STARD9: variants seen among roughly 807,000 people sequenced by gnomAD.
STARD9 encodes StAR related lipid transfer domain containing 9.
Under a neutral mutation model 399.8 loss-of-function variants are expected in STARD9, and 346 were observed. That is an observed-to-expected ratio of 0.87 (90% confidence interval 0.79 to 0.95). The LOEUF is 0.95. Among genes scored for constraint, STARD9 ranks in the 40% least tolerant of loss-of-function variants. STARD9 has a pLI of 0.00. For synonymous variants in STARD9, 2,203 were observed against 2,143.5 expected, an observed-to-expected ratio of 1.03 and a Z score of -0.77; for missense variants, 5,832 against 5,667.5, an observed-to-expected ratio of 1.03 and a Z score of -0.93.
In STARD9 at chr15:42,638,106, C is replaced by G. The variant is rs910407494; in HGVS notation, c.446+19C>G. On this transcript the variant is annotated intron_variant, in intron 6 of 32. Coordinates refer to ENST00000290607, the MANE Select transcript of STARD9 (RefSeq NM_020759.3). ...AAGTAAGGTAAGAACCTCCCAAGCT[C>G]TGGGACCTACAGTAGTTCTTCTTCT... 3.3e-6 allele frequency: 5 copies of G among 1,533,184 alleles called. No individual in the cohort carries two copies. The highest frequency in any genetic ancestry group is 4.4e-6 in the Non-Finnish European group (5 of 1,144,252). The allele number at this position is 1,533,184 out of a possible 1,614,324, so 95.0% of individuals were successfully genotyped here.
chr15:42,653,444 G>A lies in STARD9; in HGVS notation c.702+852G>A, dbSNP rs534469018. ...ATCTAAGAAGCTCAAAGGACTCCAA[G>A]TAAAATAAACACAAAGAGATCCACA... On this transcript the variant is annotated intron_variant, in intron 9 of 32. Transcript: ENST00000290607. Among the ~76,000 whole-genome samples, 68 of 145,514 alleles carry A rather than the reference G, an allele frequency of 4.7e-4. 1 individual carries two copies. The South Asian group carries it at 0.015, about 32-fold the overall frequency.
Position 42,687,283 on chromosome 15 carries a change from C to A in STARD9, c.5705C>A (p.Thr1902Asn). The A allele has an allele frequency of 2.0e-6, 3 of 1,536,846 alleles. No individual in the cohort carries two copies. Reference sequence around the variant, plus strand: ...TGTTGCGGTGCTTCCTCAGACAGCACTGAGTCTGGGAAGTCTCTCCTCTTT... The same window carrying A: ...TGTTGCGGTGCTTCCTCAGACAGCAATGAGTCTGGGAAGTCTCTCCTCTTT... ...QSCCGASSDS[T>N]ESGKSLLFRE... The change falls in exon 23 of 33, where the codon ACT becomes AAT. Residue 1902 changes from threonine to asparagine, a missense_variant. Physicochemically the swap from Thr to Asn is moderately conservative, Grantham distance 65. Around this residue, in one of 2 missense-constraint regions of STARD9, gnomAD observed 5,828 missense variants for 5,651.1 expected, o/e 1.03. Coordinates refer to ENST00000290607, the MANE Select transcript of STARD9 (RefSeq NM_020759.3).
At chr15:42,706,844 G>C (rs907139449) in intron 26 of STARD9, among the ~76,000 whole-genome samples, 1 of 151,972 alleles carries the variant, frequency 6.6e-6, no homozygotes, top group Non-Finnish European at 1.5e-5. Flanking sequence ...ATCCAGAATG[G>C]GTATTTCAGA....
chr15:42,606,748 C>T (rs2058731452), intron 3 of STARD9, among the ~76,000 whole-genome samples: 2 of 151,958 alleles, frequency 1.3e-5, no homozygotes, highest in African/African-American at 4.8e-5. Context: ...AGGTGTAAGC[C>T]ACTGCGCCCA....
At chr15:42,710,187 A>G (rs1215708853) in intron 26 of STARD9, among the ~76,000 whole-genome samples, 1 of 149,730 alleles carries the variant, frequency 6.7e-6, no homozygotes, top group Non-Finnish European at 1.5e-5. Context: ...CAGCCTCCTG[A>G]GTACCTGGAG....
At position 42,719,559 on chromosome 15, in the gene STARD9, C is replaced by T. The variant is rs1373434708; in HGVS notation, c.14088C>T (p.Ser4696=). The T allele has an allele frequency of 6.5e-6, 10 of 1,536,068 alleles. No individual in the cohort carries two copies. The highest frequency in any genetic ancestry group is 1.4e-5 in the African/African-American group (1 of 73,160). The change falls in exon 33 of 33, where the codon TCC becomes TCT. Residue 4696 remains serine (S), a synonymous_variant. Coordinates refer to ENST00000290607, the MANE Select transcript of STARD9 (RefSeq NM_020759.3). Reference sequence around the variant, plus strand: ...CACTGGTTATAGCCAGACTGGCTTCCTTCCTTGGTAGGTAGCATCTCACCG... The same window carrying T: ...CACTGGTTATAGCCAGACTGGCTTCTTTCCTTGGTAGGTAGCATCTCACCG... ...RQPLVIARLA[S]FLGR
rs1236119310 is a variant in STARD9 at position 42,693,400 on chromosome 15, T to A, written c.11822T>A (p.Val3941Asp). The change falls in exon 23 of 33, where the codon GTT becomes GAT. Residue 3941 changes from valine (V) to aspartate (D), a missense_variant. By Grantham distance (152) the Val-to-Asp change is radical (BLOSUM62 -3). Coordinates refer to ENST00000290607, the MANE Select transcript of STARD9 (RefSeq NM_020759.3). ...AAGCTTGACTCCAGCCCAGACCCTG[T>A]TGATGCCCCAAGGACTCCAATGGAT... ...HQKLDSSPDP[V>D]DAPRTPMDNY... is the part of the protein sequence containing the mutation. 3 of 1,537,078 alleles carry A rather than the reference T, an allele frequency of 2.0e-6. No homozygotes were observed. The East Asian group carries it at 7.3e-5, about 38-fold the overall frequency.
At chr15:42,712,705 T>G (rs1269996233) in intron 26 of STARD9, among the ~76,000 whole-genome samples, 1 of 152,182 alleles carries the variant, frequency 6.6e-6, no homozygotes, top group South Asian at 2.1e-4. Flanking sequence ...TACCACACTT[T>G]TTGTGTGTGT....
intron 20 of STARD9, among the ~76,000 whole-genome samples, chr15:42,679,606 G>A (rs531172718): frequency 2.0e-5 from 3 of 152,240 alleles, no homozygotes; most frequent in South Asian, 4.1e-4. Flanking sequence ...CAAAGGCTGC[G>A]TTATGAAATC....
chr15:42,709,099 A>G (rs1278111427), intron 26 of STARD9, among the ~76,000 whole-genome samples: 1 of 152,166 alleles, frequency 6.6e-6, no homozygotes, highest in Admixed American at 6.5e-5. Context: ...ATTGTCCTTT[A>G]TGATTAATGA....
In STARD9 at chr15:42,633,666, T is replaced by C. The variant is rs187482859; in HGVS notation, c.235-1190T>C. Among the ~76,000 whole-genome samples, 274 of 150,200 alleles carry C rather than the reference T, an allele frequency of 1.8e-3. 4 individuals carry two copies. Among genetic ancestry groups the C allele is most frequent in the African/African-American group, 6.4e-3 (262 of 40,864 alleles). ...TCTTTCTTTTTTTTTTTTTTTGAGA[T>C]GGAGTCTCACTCTGTCGCCTAGGCT... On this transcript the variant is annotated intron_variant, in intron 3 of 32. Coordinates refer to ENST00000290607, the MANE Select transcript of STARD9 (RefSeq NM_020759.3).
chr15:42,711,935 G>A (rs1227158345), intron 26 of STARD9, among the ~76,000 whole-genome samples: 1 of 145,922 alleles, frequency 6.9e-6, no homozygotes, highest in Non-Finnish European at 1.5e-5. Context: ...TGAGCAGTGT[G>A]TTTCTCTCCG....
In STARD9 at chr15:42,717,040, A is replaced by G. The variant is rs1162172964; in HGVS notation, c.13486A>G (p.Met4496Val). Reference sequence around the variant, plus strand: ...GGCCAAGCATGTCGTGGACACTTCTATGGCTGATGTGAGTAACTGCTCCCA... The same window carrying G: ...GGCCAAGCATGTCGTGGACACTTCTGTGGCTGATGTGAGTAACTGCTCCCA... ...DLAKHVVDTS[M>V]ADVMAACSDN... is the part of the protein sequence containing the mutation. The change falls in exon 28 of 33, where the codon ATG becomes GTG. Residue 4496 changes from methionine (M) to valine (V), a missense_variant. By Grantham distance (21) the Met-to-Val change is conservative. Around this residue, in one of 2 missense-constraint regions of STARD9, gnomAD observed 5,828 missense variants for 5,651.1 expected, o/e 1.03. Transcript: ENST00000290607. 8 of 1,537,000 alleles carry G rather than the reference A, an allele frequency of 5.2e-6. No individual in the cohort carries two copies. Among genetic ancestry groups the G allele is most frequent in the Admixed American group, 2.0e-5 (1 of 50,960 alleles).
chr15:42,715,794 C>T (rs1366990121), intron 26 of STARD9, among the ~76,000 whole-genome samples: 1 of 152,138 alleles, frequency 6.6e-6, no homozygotes, highest in Non-Finnish European at 1.5e-5. Flanking sequence ...AGGCATGAGC[C>T]ACCGCCCGGC....
intron 3 of STARD9, among the ~76,000 whole-genome samples, chr15:42,622,994 G>A (rs1595657121): frequency 6.6e-6 from 1 of 152,202 alleles, no homozygotes; most frequent in Non-Finnish European, 1.5e-5. Context: ...GCTCACGCCT[G>A]TAATCCCAGC....
At position 42,718,169 on chromosome 15, in the gene STARD9, C is replaced by T. The variant is rs2061386870; in HGVS notation, c.13752C>T (p.Ser4584=). 3.9e-6 allele frequency: 6 copies of T among 1,536,634 alleles called. No individual in the cohort carries two copies. The highest frequency in any genetic ancestry group is 5.2e-6 in the Non-Finnish European group (6 of 1,146,826). ...GGCTGCATCAGCGAGTGACCAACAG[C>T]ATCAGCCTGGGTGAGCCCAGGGAAG... ...TARLHQRVTN[S]ISLVYLVCNT... The change falls in exon 30 of 33, where the codon AGC becomes AGT. Residue 4584 remains serine, a synonymous_variant. Coordinates refer to ENST00000290607, the MANE Select transcript of STARD9 (RefSeq NM_020759.3).
chr15:42,605,432 T>C (rs1208428454), intron 3 of STARD9, among the ~76,000 whole-genome samples: 2 of 152,130 alleles, frequency 1.3e-5, no homozygotes, highest in African/African-American at 2.4e-5. Context: ...CAAGTCTAGG[T>C]GTCAAAATTA....
At chr15:42,706,718 G>C (rs2061094700) in intron 26 of STARD9, among the ~76,000 whole-genome samples, 1 of 152,150 alleles carries the variant, frequency 6.6e-6, no homozygotes, top group Non-Finnish European at 1.5e-5. Flanking sequence ...CCAAAATGCT[G>C]AGATTACAGG....
chr15:42,616,114 G>A (rs1242197584), intron 3 of STARD9, among the ~76,000 whole-genome samples: 1 of 152,050 alleles, frequency 6.6e-6, no homozygotes, highest in Middle Eastern at 3.2e-3. Flanking sequence ...AAATGTAATT[G>A]TGTTCTACTC....
Sources: allele counts gnomAD v4.1 joint callset (sites outside exome capture counted in the v4.1 genomes callset), GRCh38; gene constraint gnomAD v4.1.1; regional missense constraint gnomAD v4.1.1; transcripts MANE v1.5; gene names NCBI Gene and HGNC (gene_info 2026-07-23, HGNC 2026-07-21).